The following EMCN variants were observed in gnomAD, a reference collection of about 807,000 sequenced individuals.
EMCN encodes MUC-14.
A neutral mutation model predicts 38.4 loss-of-function variants in EMCN; 37 were observed. The observed-to-expected ratio is 0.96, with a 90% confidence interval of 0.74 to 1.27. EMCN has a LOEUF of 1.27. Ranked by LOEUF, EMCN falls within the 50% of genes most tolerant of loss-of-function variation. EMCN has a pLI of 0.00. For synonymous variants in EMCN, 95 were observed against 100.8 expected (o/e 0.94, Z 0.35); for missense variants, 318 against 302.8 (o/e 1.05, Z -0.37).
chr4:100,450,021 A>C (rs1443762275), intron 4 of EMCN, among the ~76,000 whole-genome samples: 8 of 152,060 alleles, frequency 5.3e-5, no homozygotes, highest in Middle Eastern at 3.2e-3. Flanking sequence ...GTAAAGATGA[A>C]TGCTATGGAA....
chr4:100,506,886 C>T (rs1478780400), intron 1 of EMCN, among the ~76,000 whole-genome samples: 3 of 152,112 alleles, frequency 2.0e-5, no homozygotes, highest in Non-Finnish European at 2.9e-5. Context: ...TGTGACTACC[C>T]TTCTAGCCTA....
At chr4:100,510,552 T>C (rs1729599909) in intron 1 of EMCN, among the ~76,000 whole-genome samples, 1 of 152,222 alleles carries the variant, frequency 6.6e-6, no homozygotes, top group Non-Finnish European at 1.5e-5. Flanking sequence ...CAAAACTTTA[T>C]ATAACATTTA....
intron 1 of EMCN, among the ~76,000 whole-genome samples, chr4:100,514,853 C>G (rs987564832): frequency 2.0e-5 from 3 of 152,038 alleles, no homozygotes; most frequent in African/African-American, 7.2e-5. Context: ...TGTAAATTTT[C>G]TATGTCATTC....
chr4:100,412,752 T>C (rs1726599632), intron 10 of EMCN, among the ~76,000 whole-genome samples: 1 of 152,190 alleles, frequency 6.6e-6, no homozygotes, highest in African/African-American at 2.4e-5. Context: ...CTCTTTTACA[T>C]TTAAGAGAAT....
intron 4 of EMCN, among the ~76,000 whole-genome samples, chr4:100,462,822 C>T (rs1257571504): frequency 2.0e-5 from 3 of 152,088 alleles, no homozygotes; most frequent in Non-Finnish European, 4.4e-5. Flanking sequence ...TGAAATTAGA[C>T]TCCTTCTAGG....
chr4:100,465,804 G>A (rs41275731), intron 3 of EMCN, among the ~76,000 whole-genome samples: 2,502 of 152,138 alleles, frequency 0.016, 39 homozygotes, highest in Non-Finnish European at 0.022. Flanking sequence ...AAGTAATCAT[G>A]ATGATGATGA....
At chr4:100,503,660 C>A (rs1729406763) in intron 1 of EMCN, among the ~76,000 whole-genome samples, 1 of 152,028 alleles carries the variant, frequency 6.6e-6, no homozygotes, top group African/African-American at 2.4e-5. Context: ...TTCATTGCAG[C>A]CTTGACCTCC....
intron 1 of EMCN, among the ~76,000 whole-genome samples, chr4:100,486,597 G>A (rs1728949125): frequency 6.6e-6 from 1 of 152,254 alleles, no homozygotes; most frequent in South Asian, 2.1e-4. Context: ...ATTTAGATAA[G>A]TGGGAGAAAG....
At chr4:100,400,523 C>T (rs1303176953) in intron 11 of EMCN, among the ~76,000 whole-genome samples, 1 of 152,066 alleles carries the variant, frequency 6.6e-6, no homozygotes, top group Admixed American at 6.6e-5. Context: ...GTGTGTCTTT[C>T]CACTTCTATA....
At chr4:100,485,060 C>A (rs182214278) in intron 1 of EMCN, among the ~76,000 whole-genome samples, 1 of 152,170 alleles carries the variant, frequency 6.6e-6, no homozygotes, top group Admixed American at 6.5e-5. Context: ...AAAATGATTT[C>A]TTCAAAAATA....
At chr4:100,513,280 T>G (rs1336564808) in intron 1 of EMCN, among the ~76,000 whole-genome samples, 1 of 152,190 alleles carries the variant, frequency 6.6e-6, no homozygotes, top group East Asian at 1.9e-4. Context: ...TGGTTTAGTC[T>G]TCCTACAATA....
intron 3 of EMCN, among the ~76,000 whole-genome samples, chr4:100,471,483 G>A (rs764804134): frequency 5.9e-5 from 9 of 151,798 alleles, no homozygotes; most frequent in Admixed American, 1.3e-4. Flanking sequence ...CAGCACCAGG[G>A]TCTTCCCTGG....
At chr4:100,438,382 TG>T (rs1046236639) in intron 5 of EMCN, among the ~76,000 whole-genome samples, 1 of 152,086 alleles carries the variant, frequency 6.6e-6, no homozygotes, top group Non-Finnish European at 1.5e-5. Context: ...TAAATGAAAT[TG>T]TTTTTTTCAG....
At chr4:100,419,011 G>A (rs2110215756) in intron 8 of EMCN, among the ~76,000 whole-genome samples, 1 of 152,194 alleles carries the variant, frequency 6.6e-6, no homozygotes, top group African/African-American at 2.4e-5. Context: ...TCCACCCACA[G>A]CGTACGAGGT....
chr4:100,480,221 T>C (rs192227778), intron 1 of EMCN, among the ~76,000 whole-genome samples, 182 bp from the exon 2 acceptor site: 1 of 152,206 alleles, frequency 6.6e-6, no homozygotes, highest in Admixed American at 6.5e-5. Context: ...CCCAGTGGCA[T>C]GAATTTTCAA....
intron 1 of EMCN, among the ~76,000 whole-genome samples, chr4:100,491,367 C>T (rs906472366): frequency 6.6e-6 from 1 of 152,180 alleles, no homozygotes. Flanking sequence ...TGCATGGCCT[C>T]AAAGTCCATC....
intron 9 of EMCN, 99 bp from the exon 10 acceptor site, chr4:100,416,058 C>A: frequency 3.2e-6 from 2 of 626,412 alleles, no homozygotes; most frequent in Non-Finnish European, 2.8e-6. Context: ...GATACATATG[C>A]ATATATATAT....
intron 1 of EMCN, among the ~76,000 whole-genome samples, chr4:100,510,419 T>A (rs1729596572): frequency 6.6e-6 from 1 of 152,210 alleles, no homozygotes; most frequent in African/African-American, 2.4e-5. Context: ...TTTCAGATGC[T>A]CATTTTTCAC....
At chr4:100,461,488 G>C (rs1285398932) in intron 4 of EMCN, among the ~76,000 whole-genome samples, 2 of 152,148 alleles carry the variant, frequency 1.3e-5, no homozygotes, top group South Asian at 2.1e-4. Context: ...ATAATCCTCT[G>C]AAAGATTTTT....
Sources: allele counts gnomAD v4.1 joint callset (sites outside exome capture counted in the v4.1 genomes callset), GRCh38; gene constraint gnomAD v4.1.1; transcripts MANE v1.5; gene names NCBI Gene and HGNC (gene_info 2026-07-23, HGNC 2026-07-21).